WIPI2: variants seen among roughly 807,000 people sequenced by gnomAD.
The protein encoded by WIPI2 is WD repeat domain, phosphoinositide interacting 2.
In WIPI2, 28 loss-of-function variants were observed where a neutral mutation model predicts 52.3. The observed-to-expected ratio is 0.54, with a 90% confidence interval of 0.40 to 0.73. WIPI2 has a LOEUF of 0.73. Among genes scored for constraint, WIPI2 ranks in the 30% least tolerant of loss-of-function variants. The probability of loss-of-function intolerance (pLI) is 0.00; values close to 1 mark genes in which losing one functional copy is unlikely to be tolerated. For synonymous variants in WIPI2, 268 were observed against 245.0 expected, an observed-to-expected ratio of 1.09 and a Z score of -0.88; for missense variants, 506 against 602.9, an observed-to-expected ratio of 0.84 and a Z score of 1.68.
At chr7:5,212,263 C>G (rs907814695) in intron 3 of WIPI2, among the ~76,000 whole-genome samples, 9 of 152,112 alleles carry the variant, frequency 5.9e-5, no homozygotes, top group African/African-American at 2.2e-4. Context: ...GCAGGGAACT[C>G]TGTCTCTCAG....
chr7:5,207,648 G>A (rs1156291000), intron 3 of WIPI2, among the ~76,000 whole-genome samples: 1 of 151,886 alleles, frequency 6.6e-6, no homozygotes, highest in Non-Finnish European at 1.5e-5. Flanking sequence ...TAGTGGAATT[G>A]TTGGCTAGAT....
In WIPI2 at chr7:5,228,281, C is replaced by T. The variant is rs906222335; in HGVS notation, c.1121+70C>T. ...GGGGGCTTTCGGGGCACCTGGCGAACGTTTGTTTATTTCCTTGCAAACCAG... is the reference window on the plus strand; with the variant it reads ...GGGGGCTTTCGGGGCACCTGGCGAATGTTTGTTTATTTCCTTGCAAACCAG... On this transcript the variant is annotated intron_variant, in intron 11 of 12. Coordinates refer to ENST00000288828, the MANE Select transcript of WIPI2 (RefSeq NM_015610.4). The T allele has an allele frequency of 4.3e-6, 6 of 1,379,902 alleles. No homozygotes were observed. In the South Asian group the frequency reaches 5.3e-5, roughly 12 times the overall value. 85.5% of individuals were successfully genotyped at this position (1,379,902 alleles called of 1,614,324 possible).
At position 5,233,106 on chromosome 7, in the gene WIPI2, T is replaced by G. The variant is rs1471467220; in HGVS notation, c.*2159T>G. ...ACGGGAAGCCCTGTGCTTGCCTGGGTCAGGGCTAAGCTGTGCGCCCTAGAG... is the reference window on the plus strand; with the variant it reads ...ACGGGAAGCCCTGTGCTTGCCTGGGGCAGGGCTAAGCTGTGCGCCCTAGAG... On this transcript the variant is annotated 3_prime_UTR_variant, in exon 13 of 13. Transcript: ENST00000288828. 1 of 152,318 alleles carries G rather than the reference T, an allele frequency of 6.6e-6. No homozygotes were observed. The highest frequency in any genetic ancestry group is 1.9e-4 in the East Asian group (1 of 5,198). 9.4% of individuals were successfully genotyped at this position (152,318 alleles called of 1,614,324 possible).
intron 1 of WIPI2, among the ~76,000 whole-genome samples, chr7:5,191,361 C>T (rs977419546): frequency 6.6e-6 from 1 of 152,152 alleles, no homozygotes; most frequent in Non-Finnish European, 1.5e-5. Flanking sequence ...GATGTCTTCT[C>T]CAGCAAGTAA....
chr7:5,194,776 A>C (rs559956601), intron 2 of WIPI2, among the ~76,000 whole-genome samples: 1 of 152,316 alleles, frequency 6.6e-6, no homozygotes, highest in South Asian at 2.1e-4. Context: ...TCAAAAAGAT[A>C]TTTTAAAAGG....
rs1781918948 is a variant in WIPI2 at position 5,199,433 on chromosome 7, G to C, written c.129-143G>C. Reference sequence around the variant, plus strand: ...CTGTGCCAAGCACTTGATACAAACAGTGTGAAATGATTTGCTCTGTGCTGA... The same window carrying C: ...CTGTGCCAAGCACTTGATACAAACACTGTGAAATGATTTGCTCTGTGCTGA... On this transcript the variant is annotated intron_variant, in intron 2 of 12. Transcript: ENST00000288828. 10 of 662,468 alleles carry C rather than the reference G, an allele frequency of 1.5e-5. No individual in the cohort carries two copies. In the Admixed American group the frequency reaches 2.8e-4, roughly 19 times the overall value. The allele number at this position is 662,468 out of a possible 1,614,324, so 41.0% of individuals were successfully genotyped here.
intron 7 of WIPI2, among the ~76,000 whole-genome samples, chr7:5,221,957 T>TC (rs1227412358): frequency 2.0e-5 from 2 of 100,754 alleles, no homozygotes; most frequent in Admixed American, 1.7e-4. Flanking sequence ...TTTTATTTTT[T>TC]TTTTTTTTCC....
intron 3 of WIPI2, among the ~76,000 whole-genome samples, chr7:5,211,485 T>C (rs1254179310): frequency 3.3e-5 from 5 of 151,916 alleles, no homozygotes; most frequent in Admixed American, 2.6e-4. Context: ...AAAAATAAAA[T>C]CCCACTTCGC....
chr7:5,217,641 T>C (rs1222822720), intron 6 of WIPI2: 1 of 455,938 alleles, frequency 2.2e-6, no homozygotes, highest in East Asian at 4.4e-5. Context: ...CTCATTCTGC[T>C]TCTGGATCTG....
chr7:5,191,562 C>G (rs892690623), intron 1 of WIPI2, among the ~76,000 whole-genome samples: 4 of 152,094 alleles, frequency 2.6e-5, no homozygotes, highest in African/African-American at 9.7e-5. Context: ...TGGATGCTGC[C>G]TGGGAGGAGG....
At position 5,230,980 on chromosome 7, in the gene WIPI2, A is replaced by C; in HGVS notation, c.*33A>C. On this transcript the variant is annotated 3_prime_UTR_variant, in exon 13 of 13. Transcript: ENST00000288828. The surrounding 1 kb of genome is among the most constrained non-coding windows in gnomAD (Gnocchi z 4.8). ...CTGTGACCTCTGACCCGGGGAGCAG[A>C]GAACACTGGCTTCACAGAGGACTTT... 1 of 1,581,900 alleles carries C rather than the reference A, an allele frequency of 6.3e-7. No homozygotes were observed. The highest frequency in any genetic ancestry group is 1.1e-5 in the South Asian group (1 of 87,852).
intron 6 of WIPI2, chr7:5,217,427 C>G (rs901363153): frequency 2.0e-5 from 10 of 504,722 alleles, no homozygotes; most frequent in Admixed American, 1.2e-4. Context: ...GCCTCAGCCT[C>G]CCGAGGAGTT....
intron 3 of WIPI2, among the ~76,000 whole-genome samples, chr7:5,204,114 C>A (rs1237584180): frequency 6.6e-6 from 1 of 152,188 alleles, no homozygotes; most frequent in Admixed American, 6.5e-5. Context: ...GTTTGTACTT[C>A]AGTTTACTGG....
chr7:5,221,532 A>G (rs904779547), intron 7 of WIPI2, among the ~76,000 whole-genome samples: 1 of 152,112 alleles, frequency 6.6e-6, no homozygotes, highest in African/African-American at 2.4e-5. Flanking sequence ...TTTTGTGCTA[A>G]TTTAATACCG....
chr7:5,202,822 T>C (rs1782095731), intron 3 of WIPI2, among the ~76,000 whole-genome samples: 1 of 152,216 alleles, frequency 6.6e-6, no homozygotes, highest in Non-Finnish European at 1.5e-5. Context: ...TGGTCTCTTT[T>C]CCCTAAAATA....
chr7:5,232,235 G>T lies in WIPI2; in HGVS notation c.*1288G>T. 2.5e-6 allele frequency: 1 copy of T among 398,686 alleles called. No homozygotes were observed. Among genetic ancestry groups the T allele is most frequent in the East Asian group, 3.6e-5 (1 of 28,084 alleles). 24.7% of individuals were successfully genotyped at this position (398,686 alleles called of 1,614,324 possible). On this transcript the variant is annotated 3_prime_UTR_variant, in exon 13 of 13. Transcript: ENST00000288828. ...TATTTACCCTGCCTTTGCAGGCTGGGGTTTTTGAACCGAGGAAGGCTGGGA... is the reference window on the plus strand; with the variant it reads ...TATTTACCCTGCCTTTGCAGGCTGGTGTTTTTGAACCGAGGAAGGCTGGGA...
chr7:5,216,838 T>TGG, intron 5 of WIPI2, 179 bp downstream of exon 5: 1 of 710,318 alleles, frequency 1.4e-6, no homozygotes, highest in Non-Finnish European at 2.3e-6. Context: ...ATAAGCTCAT[T>TGG]GGTTTGATCA....
chr7:5,190,801 A>G lies in WIPI2; in HGVS notation c.74+308A>G, dbSNP rs1476546287. ...ACTACTTCTCGCAAAGTTGGGGCCG[A>G]ACTTTGGGGCTTGACTTGTCTTGGC... On this transcript the variant is annotated intron_variant, in intron 1 of 12. Transcript: ENST00000288828. The G allele has an allele frequency of 3.1e-5, 8 of 254,674 alleles. No homozygotes were observed. In the East Asian group the frequency reaches 5.7e-4, roughly 18 times the overall value. The allele number at this position is 254,674 out of a possible 1,614,324, so 15.8% of individuals were successfully genotyped here. A position where few individuals can be genotyped will look rare whatever the true frequency, so the allele number is the denominator to read the frequency against.
rs1399061023 is a variant in WIPI2 at position 5,231,701 on chromosome 7, T to G, written c.*754T>G. On this transcript the variant is annotated 3_prime_UTR_variant, in exon 13 of 13. Transcript: ENST00000288828. ...AGGAAAGCGATTTTGTTTGTATAAT[T>G]AAATGATCTGTTCTTCTACTTCACT... is the stretch of plus-strand genomic sequence containing the variant. 1.3e-5 allele frequency: 2 copies of G among 153,300 alleles called. No homozygotes were observed. The highest frequency in any genetic ancestry group is 2.1e-4 in the South Asian group (1 of 4,842). The allele number at this position is 153,300 out of a possible 1,614,324, so 9.5% of individuals were successfully genotyped here. A position where few individuals can be genotyped will look rare whatever the true frequency, so the allele number is the denominator to read the frequency against.
Sources: gnomAD v4.1 joint callset for allele counts (sites outside exome capture counted in the v4.1 genomes callset) on GRCh38, gnomAD v4.1.1 for gene constraint, Gnocchi (gnomAD v3.1) non-coding constraint, MANE v1.5 for transcripts, NCBI Gene and HGNC (gene_info 2026-07-23, HGNC 2026-07-21) for gene names.